The following HDAC9 variants were observed in gnomAD, a reference collection of about 807,000 sequenced individuals.
The protein encoded by HDAC9 is histone deacetylase 9, also known as MEF-2 interacting transcription repressor (MITR) protein.
Under a neutral mutation model 139.4 loss-of-function variants are expected in HDAC9, and 41 were observed. The ratio of observed to expected loss-of-function variants is 0.29; its 90% CI spans 0.23 to 0.38. HDAC9 has a LOEUF of 0.38. HDAC9 is among the 10% of genes least tolerant of loss of function. The pLI, the probability that HDAC9 is intolerant of heterozygous loss-of-function variation, is 1.00. For missense variants in HDAC9, 1,147 were observed against 1,297.0 expected, an observed-to-expected ratio of 0.88 and a Z score of 1.78; for synonymous variants, 517 against 476.2, an observed-to-expected ratio of 1.09 and a Z score of -1.12.
At chr7:18,177,846 G>C (rs1789052931) in intron 2 of HDAC9, among the ~76,000 whole-genome samples, 1 of 152,138 alleles carries the variant, frequency 6.6e-6, no homozygotes, top group African/African-American at 2.4e-5. Flanking sequence ...GAAGAATAAA[G>C]GGCACTTTGT....
intron 2 of HDAC9, among the ~76,000 whole-genome samples, chr7:18,499,287 A>T (rs1797753309): frequency 6.6e-6 from 1 of 152,104 alleles, no homozygotes; most frequent in South Asian, 2.1e-4. Flanking sequence ...TTATGCACTA[A>T]TATTGATGGT....
intron 2 of HDAC9, among the ~76,000 whole-genome samples, chr7:18,218,049 A>G (rs886910914): frequency 6.6e-6 from 1 of 152,132 alleles, no homozygotes; most frequent in African/African-American, 2.4e-5. Context: ...TTGGCAAAAG[A>G]TGTTGGTTTT....
chr7:18,761,734 T>C (rs2129156612), intron 14 of HDAC9, among the ~76,000 whole-genome samples: 1 of 152,272 alleles, frequency 6.6e-6, no homozygotes, highest in South Asian at 2.1e-4. Flanking sequence ...TAAAATGAAA[T>C]GGTATTTATT....
chr7:18,618,341 A>G (rs1214791154), intron 6 of HDAC9, among the ~76,000 whole-genome samples: 1 of 152,080 alleles, frequency 6.6e-6, no homozygotes, highest in African/African-American at 2.4e-5. Context: ...CTGGAAAACA[A>G]CTCCAGACTC....
intron 1 of HDAC9, among the ~76,000 whole-genome samples, chr7:18,098,212 C>A (rs967983860): frequency 6.6e-6 from 1 of 152,196 alleles, no homozygotes; most frequent in African/African-American, 2.4e-5. Flanking sequence ...GGAATTGCTT[C>A]CTGCAAATGG....
chr7:18,968,958 C>CAAAA (rs34379636), intron 24 of HDAC9, among the ~76,000 whole-genome samples: 820 of 45,114 alleles, frequency 0.018, 80 homozygotes, highest in East Asian at 0.037. Context: ...GCCTCCCTCT[C>CAAAA]AAAAAAAAAA....
chr7:18,855,780 C>T (rs558326734), intron 21 of HDAC9, among the ~76,000 whole-genome samples: 75 of 152,012 alleles, frequency 4.9e-4, no homozygotes, highest in Non-Finnish European at 9.3e-4. Flanking sequence ...TCTAACCAAA[C>T]GGTAGCTGAT....
chr7:18,656,868 C>G (rs566490588), intron 11 of HDAC9, among the ~76,000 whole-genome samples: 1 of 152,206 alleles, frequency 6.6e-6, no homozygotes, highest in African/African-American at 2.4e-5. Context: ...CCAGACTGTT[C>G]TCCATAGTGG....
chr7:18,491,064 C>T (rs1450399175), upstream of HDAC9, among the ~76,000 whole-genome samples: 1 of 151,860 alleles, frequency 6.6e-6, no homozygotes, highest in Non-Finnish European at 1.5e-5. Context: ...AATTGGGTTA[C>T]ATTACCTCCT....
chr7:18,779,175 T>A (rs1287499436), intron 16 of HDAC9, among the ~76,000 whole-genome samples: 1 of 152,054 alleles, frequency 6.6e-6, no homozygotes, highest in Non-Finnish European at 1.5e-5. Flanking sequence ...ATTCATGTCT[T>A]CCTTCCAATG....
At chr7:18,108,845 C>A (rs956737995) in intron 1 of HDAC9, among the ~76,000 whole-genome samples, 1 of 152,124 alleles carries the variant, frequency 6.6e-6, no homozygotes, top group Non-Finnish European at 1.5e-5. Flanking sequence ...TGGTCTCGAA[C>A]TCCTGACCTC....
intron 16 of HDAC9, among the ~76,000 whole-genome samples, chr7:18,784,715 A>G (rs1211109649): frequency 6.6e-6 from 1 of 152,028 alleles, no homozygotes; most frequent in East Asian, 1.9e-4. Flanking sequence ...GAAATGTTAT[A>G]CCCATCTCTC....
At chr7:18,671,095 C>T (rs1795648896) in intron 12 of HDAC9, among the ~76,000 whole-genome samples, 1 of 151,876 alleles carries the variant, frequency 6.6e-6, no homozygotes, top group Non-Finnish European at 1.5e-5. Flanking sequence ...GCTTCATTCC[C>T]AAACTAACGC....
chr7:18,987,475 T>G (rs935838175), intron 25 of HDAC9, among the ~76,000 whole-genome samples: 1 of 152,240 alleles, frequency 6.6e-6, no homozygotes, highest in African/African-American at 2.4e-5. Flanking sequence ...TTGCCAGTAT[T>G]TTATTGAGGA....
chr7:18,511,370 A>G (rs932089097), intron 2 of HDAC9, among the ~76,000 whole-genome samples: 4 of 152,156 alleles, frequency 2.6e-5, no homozygotes, highest in African/African-American at 9.7e-5. Context: ...ACATAGTTTC[A>G]AATCTGAATA....
chr7:18,188,019 A>G (rs1790049468), intron 2 of HDAC9, among the ~76,000 whole-genome samples: 1 of 152,222 alleles, frequency 6.6e-6, no homozygotes, highest in Admixed American at 6.5e-5. Context: ...ATATGGAATC[A>G]AAGAAGACCC....
At chr7:18,927,139 A>G (rs1390183885) in intron 22 of HDAC9, among the ~76,000 whole-genome samples, 1 of 152,218 alleles carries the variant, frequency 6.6e-6, no homozygotes, top group Non-Finnish European at 1.5e-5. Context: ...TGATACTTTA[A>G]TGAAAATTTT....
At chr7:18,583,738 AG>A (rs1828553953) in intron 2 of HDAC9, among the ~76,000 whole-genome samples, 1 of 152,176 alleles carries the variant, frequency 6.6e-6, no homozygotes, top group Non-Finnish European at 1.5e-5. Flanking sequence ...TGGACGAAAA[AG>A]TGAGCCCTCC....
chr7:18,564,708 C>T (rs1821716577), intron 2 of HDAC9, among the ~76,000 whole-genome samples: 1 of 152,078 alleles, frequency 6.6e-6, no homozygotes, highest in Non-Finnish European at 1.5e-5. Context: ...TAAGAGACTA[C>T]TTTTGTATTA....
Sources: gnomAD v4.1 joint callset for allele counts (sites outside exome capture counted in the v4.1 genomes callset) on GRCh38, gnomAD v4.1.1 for gene constraint, MANE v1.5 for transcripts, NCBI Gene and HGNC (gene_info 2026-07-23, HGNC 2026-07-21) for gene names.